SPAG16: variants seen among roughly 807,000 people sequenced by gnomAD.
The protein encoded by SPAG16 is sperm associated antigen 16, also known as sperm-associated antigen 16 protein.
Under a neutral mutation model 80.4 loss-of-function variants are expected in SPAG16, and 86 were observed. The observed-to-expected ratio is 1.07, with a 90% CI of 0.90 to 1.28. The LOEUF is 1.28. Among genes scored for constraint, SPAG16 ranks in the 50% most tolerant of loss-of-function variants. The probability of loss-of-function intolerance (pLI) is 0.00; values close to 1 mark genes in which losing one functional copy is unlikely to be tolerated. For synonymous variants in SPAG16, 294 were observed against 265.9 expected (o/e 1.11, Z -1.03); for missense variants, 870 against 765.3 (o/e 1.14, Z -1.61).
intron 7 of SPAG16, among the ~76,000 whole-genome samples, chr2:213,353,896 T>C (rs2065477239): frequency 6.6e-6 from 1 of 152,152 alleles, no homozygotes; most frequent in African/African-American, 2.4e-5. Context: ...ATGGGAAAAT[T>C]CTATTTTTTT....
chr2:214,036,733 C>A (rs896446058), intron 13 of SPAG16, among the ~76,000 whole-genome samples: 1 of 152,104 alleles, frequency 6.6e-6, no homozygotes, highest in Non-Finnish European at 1.5e-5. Context: ...GTGTTACTAA[C>A]CTAGACATCT....
chr2:213,610,770 G>A (rs2061417008), intron 10 of SPAG16, among the ~76,000 whole-genome samples: 2 of 151,976 alleles, frequency 1.3e-5, no homozygotes, highest in Admixed American at 6.5e-5. Flanking sequence ...ATATATATAG[G>A]ATTAAAAAAA....
chr2:213,853,172 T>C (rs13388769), intron 10 of SPAG16, among the ~76,000 whole-genome samples: 52,329 of 152,120 alleles, frequency 0.34, 9,468 homozygotes, highest in South Asian at 0.47. Context: ...ATTTACAATG[T>C]TGAATAACCT....
intron 13 of SPAG16, among the ~76,000 whole-genome samples, chr2:214,048,041 A>T (rs1370961460): frequency 6.6e-6 from 1 of 152,202 alleles, no homozygotes; most frequent in Admixed American, 6.5e-5. Flanking sequence ...AGGTAATAAC[A>T]AACACTGGTA....
At chr2:213,685,596 A>G (rs532341629) in intron 10 of SPAG16, among the ~76,000 whole-genome samples, 5 of 151,548 alleles carry the variant, frequency 3.3e-5, no homozygotes, top group Non-Finnish European at 7.3e-5. Flanking sequence ...GACTGAAAAC[A>G]TATCAGTGTA....
chr2:214,170,380 AG>A (rs1481277095), intron 15 of SPAG16, among the ~76,000 whole-genome samples: 1 of 152,020 alleles, frequency 6.6e-6, no homozygotes, highest in Non-Finnish European at 1.5e-5. Context: ...CATAAATACA[AG>A]ATCATCATCT....
At chr2:213,886,492 C>T (rs1285381761) in intron 11 of SPAG16, among the ~76,000 whole-genome samples, 1 of 152,070 alleles carries the variant, frequency 6.6e-6, no homozygotes, top group Non-Finnish European at 1.5e-5. Context: ...TGATCCCCAA[C>T]ACTGGCCTTG....
chr2:213,365,916 G>A (rs1250282446), intron 8 of SPAG16, among the ~76,000 whole-genome samples: 4 of 150,874 alleles, frequency 2.7e-5, no homozygotes, highest in East Asian at 2.0e-4. Flanking sequence ...GCTGAGGCGG[G>A]CGGATCACGA....
At chr2:213,799,969 A>G (rs2071279242) in intron 10 of SPAG16, among the ~76,000 whole-genome samples, 1 of 151,864 alleles carries the variant, frequency 6.6e-6, no homozygotes, top group Non-Finnish European at 1.5e-5. Flanking sequence ...TGAAAAAAAA[A>G]AAAAAAAGAA....
Position 213,732,032 on chromosome 2 carries a change from G to A in SPAG16, c.1071-130453G>A, listed in dbSNP as rs2067068324. On this transcript the variant is annotated intron_variant, in intron 10 of 15. Coordinates refer to ENST00000331683, the MANE Select transcript of SPAG16 (RefSeq NM_024532.5). ...GGTATCTCCTAGATTTTCTTCTAGGGTTTATATAGTTTTTGGTTTTACATT... is the reference window on the plus strand; with the variant it reads ...GGTATCTCCTAGATTTTCTTCTAGGATTTATATAGTTTTTGGTTTTACATT... 2.6e-5 allele frequency among the ~76,000 whole-genome samples: 4 copies of A among 152,212 alleles called. No individual in the cohort carries two copies. In the South Asian group the frequency reaches 6.2e-4, roughly 24 times the overall value.
At chr2:213,815,340 A>G (rs2072457177) in intron 10 of SPAG16, among the ~76,000 whole-genome samples, 1 of 152,184 alleles carries the variant, frequency 6.6e-6, no homozygotes, top group African/African-American at 2.4e-5. Flanking sequence ...TTGACTGAAA[A>G]GAACACAAGG....
At chr2:213,703,125 A>G (rs970985198) in intron 10 of SPAG16, among the ~76,000 whole-genome samples, 1 of 152,198 alleles carries the variant, frequency 6.6e-6, no homozygotes, top group Admixed American at 6.5e-5. Flanking sequence ...GATAATAGAC[A>G]TAGTGGGTTC....
chr2:213,436,781 T>C (rs2070662185), intron 9 of SPAG16, among the ~76,000 whole-genome samples: 1 of 152,216 alleles, frequency 6.6e-6, no homozygotes, highest in Non-Finnish European at 1.5e-5. Flanking sequence ...TCTAAATTTC[T>C]TCTCTTTTAT....
chr2:214,284,361 T>C (rs536670008), intron 15 of SPAG16, among the ~76,000 whole-genome samples: 21 of 152,206 alleles, frequency 1.4e-4, no homozygotes, highest in Non-Finnish European at 2.4e-4. Flanking sequence ...TCCTTAACTT[T>C]CCAGAACATT....
intron 10 of SPAG16, among the ~76,000 whole-genome samples, chr2:213,844,868 A>G (rs529748014): frequency 1.1e-4 from 16 of 152,326 alleles, no homozygotes; most frequent in African/African-American, 3.8e-4. Context: ...TTGTCGTAGG[A>G]TAATGGTAAA....
At chr2:214,208,798 G>A (rs1252877871) in intron 15 of SPAG16, among the ~76,000 whole-genome samples, 2 of 152,074 alleles carry the variant, frequency 1.3e-5, no homozygotes, top group Non-Finnish European at 1.5e-5. Context: ...CATAGACAGG[G>A]CACTTAATCT....
chr2:213,856,748 G>T (rs1412605763), intron 10 of SPAG16, among the ~76,000 whole-genome samples: 1 of 152,180 alleles, frequency 6.6e-6, no homozygotes, highest in African/African-American at 2.4e-5. Flanking sequence ...AGGGCACCGA[G>T]TCCCAAGACT....
chr2:213,760,616 G>A (rs1476402555), intron 10 of SPAG16, among the ~76,000 whole-genome samples: 2 of 151,586 alleles, frequency 1.3e-5, no homozygotes, highest in Non-Finnish European at 2.9e-5. Context: ...AGTGTACATG[G>A]TACATTTTCC....
At chr2:214,289,707 T>C (rs1693647223) in intron 15 of SPAG16, among the ~76,000 whole-genome samples, 1 of 152,210 alleles carries the variant, frequency 6.6e-6, no homozygotes, top group African/African-American at 2.4e-5. Context: ...GTTTTGGCTT[T>C]TCTTGCTCTT....
Sources: allele counts gnomAD v4.1 joint callset (sites outside exome capture counted in the v4.1 genomes callset), GRCh38; gene constraint gnomAD v4.1.1; transcripts MANE v1.5; gene names NCBI Gene and HGNC (gene_info 2026-07-23, HGNC 2026-07-21).